The following ACR variants were observed in gnomAD, a reference collection of about 807,000 sequenced individuals.
ACR encodes acrosin light and heavy chain prepropeptide.
In ACR, 17 loss-of-function variants were observed where a neutral mutation model predicts 26.0. The observed-to-expected ratio is 0.65, with a 90% CI of 0.45 to 0.98. The LOEUF is 0.98. Ranked by LOEUF, ACR falls within the 50% of genes least tolerant of loss-of-function variation. The probability of loss-of-function intolerance (pLI) is 0.00; values close to 1 mark genes in which losing one functional copy is unlikely to be tolerated. For synonymous variants in ACR, 199 were observed against 207.7 expected (o/e 0.96, Z 0.36); for missense variants, 435 against 519.3 (o/e 0.84, Z 1.58).
rs1184580239 is a variant in ACR at position 50,739,904 on chromosome 22, C to T, written c.492C>T (p.Pro164=). The T allele has an allele frequency of 1.2e-6, 2 of 1,613,820 alleles. No homozygotes were observed. The highest frequency in any genetic ancestry group is 1.7e-6 in the Non-Finnish European group (2 of 1,179,862). Residue 164 remains proline (P), a synonymous_variant, in exon 3 of 5, where the codon CCC becomes CCT. Coordinates refer to ENST00000216139, the MANE Select transcript of ACR (RefSeq NM_001097.3). This position sits in a 1 kb window ranked among gnomAD's most constrained non-coding sequence, Gnocchi z 5.5. ...CGRFIGPGCL[P]HFKAGLPRGS... is the part of the protein sequence containing the mutation. Reference sequence around the variant, plus strand: ...GCTTCATTGGGCCGGGCTGCCTGCCCCACTTTAAGGCAGGCCTCCCCAGAG... The same window carrying T: ...GCTTCATTGGGCCGGGCTGCCTGCCTCACTTTAAGGCAGGCCTCCCCAGAG...
In ACR at chr22:50,739,588, G is replaced by A. The variant is rs2083415032; in HGVS notation, c.282-106G>A. The A allele has an allele frequency of 6.4e-7, 1 of 1,562,090 alleles. No homozygotes were observed. Among genetic ancestry groups the A allele is most frequent in the Admixed American group, 1.7e-5 (1 of 58,078 alleles). ...GGGGCTCTGGGCCAAGTGGCTGCAAGACTCCGGGGGCTGGTCCAGACCTTT... is the reference window on the plus strand; with the variant it reads ...GGGGCTCTGGGCCAAGTGGCTGCAAAACTCCGGGGGCTGGTCCAGACCTTT... On this transcript the variant is annotated intron_variant, in intron 2 of 4. Transcript: ENST00000216139. This position sits in a 1 kb window ranked among gnomAD's most constrained non-coding sequence, Gnocchi z 5.5.
At chr22:50,738,839 T>C (rs978633698) in intron 1 of ACR, among the ~76,000 whole-genome samples, 1 of 151,958 alleles carries the variant, frequency 6.6e-6, no homozygotes, top group African/African-American at 2.4e-5. Context: ...CCCTGGCTGC[T>C]ATCCCTCCTC....
chr22:50,738,312 A>G lies in ACR; in HGVS notation c.77A>G (p.Asp26Gly). The change falls in exon 1 of 5, where the codon GAT becomes GGT. Residue 26 changes from aspartate to glycine, a missense_variant and splice_region_variant. By Grantham distance (94) the Asp-to-Gly change is moderately conservative. Transcript: ENST00000216139. ...GTTGCTAAAGATAACGCCACGTGTGAGTAAGTGTCGGGGCACCTTGGTGGG... is the reference window on the plus strand; with the variant it reads ...GTTGCTAAAGATAACGCCACGTGTGGGTAAGTGTCGGGGCACCTTGGTGGG... ...SVVAKDNATC[D>G]GPCGLRFRQN... is the part of the protein sequence containing the mutation. 1.2e-6 allele frequency: 2 copies of G among 1,613,760 alleles called. No individual in the cohort carries two copies. The highest frequency in any genetic ancestry group is 1.7e-6 in the Non-Finnish European group (2 of 1,179,880).
chr22:50,740,386 G>A (rs529759680), intron 3 of ACR: 2 of 588,934 alleles, frequency 3.4e-6, no homozygotes, highest in East Asian at 5.7e-5. Context: ...ATCTGTAAAT[G>A]GAGGGGCTGG....
At chr22:50,740,137 C>A in intron 3 of ACR, 160 bp downstream of exon 3, 1 of 932,758 alleles carries the variant, frequency 1.1e-6, no homozygotes, top group Non-Finnish European at 1.7e-6. Context: ...GTCCCCTGTG[C>A]CAGGTCACGT....
chr22:50,738,347 T>A (rs200079264), intron 1 of ACR, 35 bp downstream of exon 1: 2 of 1,604,740 alleles, frequency 1.2e-6, no homozygotes, highest in Non-Finnish European at 1.7e-6. Flanking sequence ...GGGAAGGATC[T>A]TCTGAGGAGC....
chr22:50,739,668 G>T lies in ACR; in HGVS notation c.282-26G>T. ...ACCAGGCTTTTGTCCAGCCGGTTGTGACCTGGCTTACCTTTGTGCCCACAG... is the reference window on the plus strand; with the variant it reads ...ACCAGGCTTTTGTCCAGCCGGTTGTTACCTGGCTTACCTTTGTGCCCACAG... On this transcript the variant is annotated intron_variant, in intron 2 of 4. Transcript: ENST00000216139. The surrounding 1 kb of genome is among the most constrained non-coding windows in gnomAD (Gnocchi z 5.5). 6.5e-7 allele frequency: 1 copy of T among 1,537,314 alleles called. No individual in the cohort carries two copies. Among genetic ancestry groups the T allele is most frequent in the South Asian group, 1.3e-5 (1 of 78,064 alleles).
chr22:50,739,335 G>T lies in ACR; in HGVS notation c.142G>T (p.Ala48Ser), dbSNP rs376377088. ...QGGVRIVGGK[A>S]AQHGAWPWMV... ...TGGTGTCCGCATCGTCGGCGGGAAG[G>T]CTGCACAGCATGGGGCCTGGCCCTG... The change falls in exon 2 of 5, where the codon GCT becomes TCT. Residue 48 changes from alanine to serine, a missense_variant. Transcript: ENST00000216139. This position sits in a 1 kb window ranked among gnomAD's most constrained non-coding sequence, Gnocchi z 5.5. The T allele has an allele frequency of 1.6e-5, 25 of 1,611,136 alleles. No homozygotes were observed. Among genetic ancestry groups the T allele is most frequent in the Non-Finnish European group, 1.9e-5 (22 of 1,178,772 alleles).
rs768927847 is a variant in ACR at position 50,744,174 on chromosome 22, G to C, written c.679G>C (p.Gly227Arg). Residue 227 changes from glycine (G) to arginine (R), a missense_variant, in exon 4 of 5, where the codon GGG becomes CGG. Transcript: ENST00000216139. The stretch of plus-strand genomic sequence containing the variant: ...CGTTCAGCCAACCAATGTGTGCGCG[G>C]GGTATCCTGTAGGCAAGATCGACAC... ...GRVQPTNVCA[G>R]YPVGKIDTCQ... 2.5e-6 allele frequency: 4 copies of C among 1,613,792 alleles called. No homozygotes were observed. The highest frequency in any genetic ancestry group is 1.7e-5 in the Admixed American group (1 of 59,998).
In ACR at chr22:50,739,829, G is replaced by A. The variant is rs768051648; in HGVS notation, c.417G>A (p.Glu139=). Reference sequence around the variant, plus strand: ...ATGAAAAATACAACTCTGCGACAGAGGGAAATGACATTGCCCTCGTGGAGA... The same window carrying A: ...ATGAAAAATACAACTCTGCGACAGAAGGAAATGACATTGCCCTCGTGGAGA... ...IIHEKYNSAT[E]GNDIALVEIT... The change falls in exon 3 of 5, where the codon GAG becomes GAA. Residue 139 remains glutamate (E), a synonymous_variant. Coordinates refer to ENST00000216139, the MANE Select transcript of ACR (RefSeq NM_001097.3). This position sits in a 1 kb window ranked among gnomAD's most constrained non-coding sequence, Gnocchi z 5.5. 2 of 1,611,486 alleles carry A rather than the reference G, an allele frequency of 1.2e-6. No individual in the cohort carries two copies. Among genetic ancestry groups the A allele is most frequent in the East Asian group, 2.2e-5 (1 of 44,846 alleles).
In ACR at chr22:50,743,851, C is replaced by G. The variant is rs531525864; in HGVS notation, c.566-210C>G. On this transcript the variant is annotated intron_variant, in intron 3 of 4. Coordinates refer to ENST00000216139, the MANE Select transcript of ACR (RefSeq NM_001097.3). ...ACCCTTCCTTCCTCTCTTCCTCTCT[C>G]CTCTGGCCTTGATTTGGATAACATT... Among the ~76,000 whole-genome samples, 15 of 152,298 alleles carry G rather than the reference C, an allele frequency of 9.8e-5. 1 individual carries two copies. In the South Asian group the frequency reaches 3.1e-3, roughly 32 times the overall value.
At position 50,744,791 on chromosome 22, in the gene ACR, T is replaced by G; in HGVS notation, c.850T>G (p.Trp284Gly). 6.2e-7 allele frequency: 1 copy of G among 1,610,490 alleles called. No homozygotes were observed. Among genetic ancestry groups the G allele is most frequent in the South Asian group, 1.1e-5 (1 of 90,602 alleles). The change falls in exon 5 of 5, where the codon TGG (tryptophan) becomes GGG (glycine). Residue 284 changes from tryptophan (W) to glycine (G), a missense_variant. By Grantham distance (184) the Trp-to-Gly change is radical. Transcript: ENST00000216139. ...IYTATWPYLN[W>G]IASKIGSNAL... ...CACGGCCACCTGGCCCTATCTGAAC[T>G]GGATCGCCTCCAAGATTGGTTCTAA... is the stretch of plus-strand genomic sequence containing the variant.
intron 3 of ACR, 68 bp downstream of exon 3, chr22:50,740,045 C>T (rs536547787): frequency 1.3e-5 from 20 of 1,597,494 alleles, no homozygotes; most frequent in Middle Eastern, 1.6e-4. Context: ...TGAGGTGCAG[C>T]GGTCACTTGT....
At position 50,738,234 on chromosome 22, in the gene ACR, G is replaced by C; in HGVS notation, c.-2G>C. 6.2e-7 allele frequency: 1 copy of C among 1,614,018 alleles called. No individual in the cohort carries two copies. The highest frequency in any genetic ancestry group is 8.5e-7 in the Non-Finnish European group (1 of 1,179,906). ...GCTTGCAGGCCAGGCAGTGCCAGGA[G>C]TATGGTTGAGATGCTACCAACTGCC... On this transcript the variant is annotated 5_prime_UTR_variant, in exon 1 of 5. Transcript: ENST00000216139.
At chr22:50,743,096 C>T (rs1375411250) in intron 3 of ACR, among the ~76,000 whole-genome samples, 5 of 151,576 alleles carry the variant, frequency 3.3e-5, no homozygotes, top group Admixed American at 6.6e-5. Flanking sequence ...AGTGCAGTGG[C>T]GCCATCTCGG....
chr22:50,744,781 C>T lies in ACR; in HGVS notation c.840C>T (p.Pro280=), dbSNP rs769574426. The change falls in exon 5 of 5, where the codon CCC becomes CCT. Residue 280 remains proline (P), a synonymous_variant. Coordinates refer to ENST00000216139, the MANE Select transcript of ACR (RefSeq NM_001097.3). ...KRPGIYTATW[P]YLNWIASKIG... is the part of the protein sequence containing the mutation. ...CCGGAATCTACACGGCCACCTGGCC[C>T]TATCTGAACTGGATCGCCTCCAAGA... 5 of 1,610,930 alleles carry T rather than the reference C, an allele frequency of 3.1e-6. No homozygotes were observed. In the South Asian group the frequency reaches 3.3e-5, roughly 11 times the overall value.
Position 50,744,891 on chromosome 22 carries a change from C to A in ACR, c.950C>A (p.Ser317Tyr). 3 of 1,579,536 alleles carry A rather than the reference C, an allele frequency of 1.9e-6. No homozygotes were observed. Among genetic ancestry groups the A allele is most frequent in the Non-Finnish European group, 2.6e-6 (3 of 1,164,608 alleles). Residue 317 changes from serine (S) to tyrosine (Y), a missense_variant, in exon 5 of 5, where the codon TCC (serine) becomes TAC (tyrosine). Physicochemically the swap from Ser to Tyr is moderately radical, Grantham distance 144. Around this residue, in one of 3 missense-constraint regions of ACR, gnomAD observed 29 missense variants for 59.4 expected, o/e 0.49. Coordinates refer to ENST00000216139, the MANE Select transcript of ACR (RefSeq NM_001097.3). ...TRPPPIRPPF[S>Y]HPISAHLPWY... The stretch of plus-strand genomic sequence containing the variant: ...CCGCCCCCGATTCGACCCCCCTTCT[C>A]CCACCCTATCTCTGCTCACCTTCCT...
chr22:50,739,720 T>C lies in ACR; in HGVS notation c.308T>C (p.Phe103Ser). 1 of 1,542,542 alleles carries C rather than the reference T, an allele frequency of 6.5e-7. No individual in the cohort carries two copies. Residue 103 changes from phenylalanine to serine, a missense_variant, in exon 3 of 5, where the codon TTC (phenylalanine) becomes TCC (serine). This residue lies in a region of ACR where 314 missense variants were observed against 372.0 expected (regional missense o/e 0.84). Transcript: ENST00000216139. This position sits in a 1 kb window ranked among gnomAD's most constrained non-coding sequence, Gnocchi z 5.5. Reference protein sequence around the residue: ...KNNVHDWRLVFGAKEITYGNN... With the variant: ...KNNVHDWRLVSGAKEITYGNN... ...AATGTGCATGACTGGAGACTGGTTT[T>C]CGGAGCAAAGGAAATTACATATGGG...
intron 3 of ACR, chr22:50,740,756 T>C (rs2146854044): frequency 4.3e-6 from 3 of 702,236 alleles, no homozygotes; most frequent in South Asian, 1.5e-5. Context: ...CACTACCTGA[T>C]ACACTCGACA....
Sources: allele counts gnomAD v4.1 joint callset (sites outside exome capture counted in the v4.1 genomes callset), GRCh38; gene constraint gnomAD v4.1.1; regional missense constraint gnomAD v4.1.1; non-coding constraint Gnocchi (gnomAD v3.1); transcripts MANE v1.5; gene names NCBI Gene and HGNC (gene_info 2026-07-23, HGNC 2026-07-21).